The following ARHGEF28 variants were observed in gnomAD, a reference collection of about 807,000 sequenced individuals.
ARHGEF28 encodes the protein 190 kDa guanine nucleotide exchange factor.
A neutral mutation model predicts 206.6 loss-of-function variants in ARHGEF28; 152 were observed. The observed-to-expected ratio is 0.74, with a 90% CI of 0.64 to 0.84. The LOEUF (loss-of-function observed/expected upper bound fraction) is 0.84, where lower values mean the gene tolerates loss of function less well. Ranked by LOEUF, ARHGEF28 falls within the 40% of genes least tolerant of loss-of-function variation. ARHGEF28 has a pLI of 0.00. For missense variants in ARHGEF28, 2,028 were observed against 2,073.2 expected, an observed-to-expected ratio of 0.98 and a Z score of 0.42; for synonymous variants, 763 against 776.4, an observed-to-expected ratio of 0.98 and a Z score of 0.29.
At chr5:73,901,925 G>C (rs1762292645) in intron 31 of ARHGEF28, 1 of 152,150 alleles carries the variant, frequency 6.6e-6, no homozygotes, top group Non-Finnish European at 1.5e-5. Flanking sequence ...CTGAAAGTGA[G>C]ATGTCAGAAA....
chr5:73,655,655 G>T (rs1399766762), intron 1 of ARHGEF28, among the ~76,000 whole-genome samples: 2 of 152,136 alleles, frequency 1.3e-5, no homozygotes, highest in East Asian at 3.9e-4. Flanking sequence ...TCTTTTCCCT[G>T]TGGCAGTATT....
chr5:73,763,350 C>G (rs2112426822), intron 4 of ARHGEF28, among the ~76,000 whole-genome samples: 1 of 152,242 alleles, frequency 6.6e-6, no homozygotes, highest in Middle Eastern at 3.4e-3. Context: ...TCTAATATTT[C>G]TCAATCCGGG....
chr5:73,761,129 G>T (rs1404130740), intron 4 of ARHGEF28, among the ~76,000 whole-genome samples: 1 of 97,022 alleles, frequency 1.0e-5, no homozygotes, highest in East Asian at 2.5e-4. Context: ...CCCATTCCTG[G>T]CTTACCTCCT....
chr5:73,801,945 A>G (rs1755156952), intron 9 of ARHGEF28, among the ~76,000 whole-genome samples: 1 of 152,228 alleles, frequency 6.6e-6, no homozygotes, highest in Non-Finnish European at 1.5e-5. Flanking sequence ...AAGGTTGAGA[A>G]TCACGGTCAG....
chr5:73,660,263 C>T (rs373081992), intron 1 of ARHGEF28, among the ~76,000 whole-genome samples: 6 of 152,180 alleles, frequency 3.9e-5, no homozygotes, highest in African/African-American at 9.7e-5. Context: ...CCATAATAAG[C>T]AACTCTTCAT....
chr5:73,712,295 G>T (rs550931154), intron 2 of ARHGEF28, among the ~76,000 whole-genome samples: 1 of 152,064 alleles, frequency 6.6e-6, no homozygotes, highest in East Asian at 1.9e-4. Flanking sequence ...TATTTTATTT[G>T]AAGAAATGAA....
intron 2 of ARHGEF28, among the ~76,000 whole-genome samples, chr5:73,704,729 C>T (rs1006294868): frequency 6.6e-6 from 1 of 152,142 alleles, no homozygotes; most frequent in African/African-American, 2.4e-5. Context: ...CCGCCCATTA[C>T]TATTATTTTT....
intron 1 of ARHGEF28, among the ~76,000 whole-genome samples, chr5:73,650,703 C>T (rs921444731): frequency 2.6e-5 from 4 of 151,904 alleles, no homozygotes; most frequent in African/African-American, 9.7e-5. Context: ...GGCTGGAGTA[C>T]AGTGGTGCAA....
chr5:73,832,109 A>G (rs2112559940), intron 9 of ARHGEF28, among the ~76,000 whole-genome samples: 1 of 152,346 alleles, frequency 6.6e-6, no homozygotes, highest in East Asian at 1.9e-4. Context: ...TAACGCTTGA[A>G]GTGGGCAAAT....
At chr5:73,847,088 A>G (rs1758413851) in intron 12 of ARHGEF28, among the ~76,000 whole-genome samples, 1 of 152,162 alleles carries the variant, frequency 6.6e-6, no homozygotes, top group South Asian at 2.1e-4. Flanking sequence ...TGAATGTAAG[A>G]AAGCCCTTTT....
chr5:73,736,941 G>A (rs920205935), intron 2 of ARHGEF28, among the ~76,000 whole-genome samples: 2 of 152,278 alleles, frequency 1.3e-5, no homozygotes, highest in East Asian at 3.9e-4. Context: ...TAAAGCCATG[G>A]CTGCTTCTGC....
intron 30 of ARHGEF28, chr5:73,898,881 C>T (rs1762108807): frequency 6.6e-6 from 1 of 152,134 alleles, no homozygotes; most frequent in African/African-American, 2.4e-5. Flanking sequence ...CTTACTTCCA[C>T]AAGGTCTTAT....
At chr5:73,921,380 T>G (rs1221310415) in intron 35 of ARHGEF28, among the ~76,000 whole-genome samples, 1 of 152,218 alleles carries the variant, frequency 6.6e-6, no homozygotes, top group African/African-American at 2.4e-5. Context: ...AGCCTGGGCC[T>G]TAGTTTTGAT....
At chr5:73,658,783 A>G (rs1362376547) in intron 1 of ARHGEF28, among the ~76,000 whole-genome samples, 1 of 152,236 alleles carries the variant, frequency 6.6e-6, no homozygotes, top group Non-Finnish European at 1.5e-5. Flanking sequence ...ACTATCTAGC[A>G]ATAAATCACT....
chr5:73,911,127 TGGGAGAG>T (rs1762875162), intron 34 of ARHGEF28, 141 bp from the exon 35 acceptor site: 1 of 778,338 alleles, frequency 1.3e-6, no homozygotes, highest in African/African-American at 1.8e-5. Context: ...TAAAAGAGTA[TGGGAGAG>T]GGGAGGGAGA....
At chr5:73,893,389 C>A in intron 28 of ARHGEF28, 101 bp downstream of exon 28, 1 of 893,748 alleles carries the variant, frequency 1.1e-6, no homozygotes, top group South Asian at 3.7e-5. Context: ...ATGATTCATC[C>A]TGTGCACCTG....
At chr5:73,747,832 C>A (rs546491834) in intron 2 of ARHGEF28, among the ~76,000 whole-genome samples, 1 of 152,140 alleles carries the variant, frequency 6.6e-6, no homozygotes, top group South Asian at 2.1e-4. Context: ...GGAAGGCAGG[C>A]GTGATGAATT....
chr5:73,912,027 C>T (rs1458304065), intron 35 of ARHGEF28, among the ~76,000 whole-genome samples: 1 of 151,444 alleles, frequency 6.6e-6, no homozygotes, highest in Non-Finnish European at 1.5e-5. Flanking sequence ...TTCTGTACTG[C>T]TATTAAACAC....
At chr5:73,877,275 T>C (rs970404640) in intron 22 of ARHGEF28, among the ~76,000 whole-genome samples, 30 of 151,326 alleles carry the variant, frequency 2.0e-4, no homozygotes, top group Non-Finnish European at 3.4e-4. Flanking sequence ...ATATCCCCTT[T>C]ATCATTTTTT....
Sources: gnomAD v4.1 joint callset for allele counts (sites outside exome capture counted in the v4.1 genomes callset) on GRCh38, gnomAD v4.1.1 for gene constraint, MANE v1.5 for transcripts, NCBI Gene and HGNC (gene_info 2026-07-23, HGNC 2026-07-21) for gene names.